NRXN3: variants seen among roughly 807,000 people sequenced by gnomAD.
NRXN3 encodes neurexin III.
Under a neutral mutation model 137.6 loss-of-function variants are expected in NRXN3, and 32 were observed. That is an observed-to-expected ratio of 0.23 (90% CI 0.18 to 0.31). The LOEUF (loss-of-function observed/expected upper bound fraction) is 0.31, where lower values mean the gene tolerates loss of function less well. Among genes scored for constraint, NRXN3 ranks in the 10% least tolerant of loss-of-function variants. NRXN3 has a pLI of 1.00. For missense variants in NRXN3, 1,574 were observed against 2,062.5 expected (o/e 0.76, Z 4.59); for synonymous variants, 798 against 784.5 (o/e 1.02, Z -0.29).
intron 10 of NRXN3, among the ~76,000 whole-genome samples, chr14:78,888,851 A>G (rs1407978052): frequency 2.4e-5 from 2 of 83,886 alleles, no homozygotes; most frequent in East Asian, 9.7e-4. Flanking sequence ...ACACACATAC[A>G]CACACACACA....
At chr14:79,683,647 G>A (rs937599978) in intron 17 of NRXN3, among the ~76,000 whole-genome samples, 1 of 152,126 alleles carries the variant, frequency 6.6e-6, no homozygotes, top group African/African-American at 2.4e-5. Flanking sequence ...CTGGCTTAAG[G>A]TGTCTGATGA....
chr14:78,911,348 G>T (rs572347212), intron 10 of NRXN3, among the ~76,000 whole-genome samples: 47 of 152,216 alleles, frequency 3.1e-4, no homozygotes, highest in Admixed American at 2.2e-3. Context: ...TCTGAACTTT[G>T]TATGACTTGA....
intron 19 of NRXN3, among the ~76,000 whole-genome samples, chr14:79,793,766 A>G (rs968985317): frequency 5.2e-5 from 8 of 152,396 alleles, no homozygotes; most frequent in African/African-American, 1.9e-4. Context: ...AATGTAAATT[A>G]GCATGAATAT....
intron 15 of NRXN3, among the ~76,000 whole-genome samples, chr14:79,466,869 C>A (rs1361981963): frequency 6.6e-6 from 1 of 152,020 alleles, no homozygotes; most frequent in African/African-American, 2.4e-5. Context: ...GGCCAAGATG[C>A]AAAATTAAGC....
At chr14:79,381,529 C>A (rs146274967) in intron 15 of NRXN3, among the ~76,000 whole-genome samples, 1 of 152,028 alleles carries the variant, frequency 6.6e-6, no homozygotes. Flanking sequence ...CCTCTGAGGA[C>A]GATGAACCCC....
At chr14:78,424,801 T>C (rs1462046884) in intron 4 of NRXN3, among the ~76,000 whole-genome samples, 2 of 152,196 alleles carry the variant, frequency 1.3e-5, no homozygotes, top group Non-Finnish European at 2.9e-5. Flanking sequence ...GAGGGGGTCA[T>C]TCCCATATCA....
intron 15 of NRXN3, among the ~76,000 whole-genome samples, chr14:79,398,905 T>G (rs2370980): frequency 0.76 from 114,901 of 151,012 alleles, 43,883 homozygotes; most frequent in Middle Eastern, 0.87. Flanking sequence ...AGCTACTCGG[T>G]ACACTGAGGC....
intron 4 of NRXN3, among the ~76,000 whole-genome samples, chr14:78,571,580 T>C (rs1209982946): frequency 6.6e-6 from 1 of 152,204 alleles, no homozygotes; most frequent in Non-Finnish European, 1.5e-5. Flanking sequence ...TTAACAAATA[T>C]TGAGCCCTTA....
At chr14:78,686,207 T>C (rs1337744272) in intron 6 of NRXN3, among the ~76,000 whole-genome samples, 1 of 152,248 alleles carries the variant, frequency 6.6e-6, no homozygotes, top group Non-Finnish European at 1.5e-5. Flanking sequence ...ATGAATAACT[T>C]ACTTTTCTCT....
At chr14:78,937,186 A>C (rs1157397329) in intron 10 of NRXN3, among the ~76,000 whole-genome samples, 4 of 80,104 alleles carry the variant, frequency 5.0e-5, no homozygotes, top group East Asian at 6.9e-4. Context: ...CGTGCCATTG[A>C]AAAAAAAAAA....
chr14:79,613,884 C>T (rs939332908), intron 16 of NRXN3, among the ~76,000 whole-genome samples: 1 of 152,232 alleles, frequency 6.6e-6, no homozygotes, highest in Non-Finnish European at 1.5e-5. Flanking sequence ...CTGGTGATGC[C>T]TCTACCACAC....
chr14:79,390,316 CAAAAA>C (rs34101631), intron 15 of NRXN3, among the ~76,000 whole-genome samples: 1 of 109,642 alleles, frequency 9.1e-6, no homozygotes, highest in African/African-American at 3.5e-5. Context: ...GACTCTGTCT[CAAAAA>C]AAAAAAAAAA....
At chr14:79,682,625 G>A (rs942464477) in intron 17 of NRXN3, among the ~76,000 whole-genome samples, 5 of 152,028 alleles carry the variant, frequency 3.3e-5, no homozygotes, top group African/African-American at 7.2e-5. Context: ...CTTCAAGATC[G>A]ATACTCTCTG....
chr14:79,774,346 T>A (rs1316865393), intron 19 of NRXN3, among the ~76,000 whole-genome samples: 1 of 152,140 alleles, frequency 6.6e-6, no homozygotes, highest in Non-Finnish European at 1.5e-5. Flanking sequence ...AGCAAGTCAA[T>A]GGTAATATCA....
At chr14:79,183,341 C>T (rs974510452) in intron 15 of NRXN3, among the ~76,000 whole-genome samples, 5 of 152,156 alleles carry the variant, frequency 3.3e-5, no homozygotes, top group African/African-American at 7.2e-5. Flanking sequence ...CTTTCTGTTT[C>T]GTCCTTGCCT....
intron 4 of NRXN3, among the ~76,000 whole-genome samples, chr14:78,310,969 TATC>T (rs1284880131): frequency 2.6e-5 from 4 of 152,254 alleles, no homozygotes; most frequent in South Asian, 4.1e-4. Context: ...AAACATCAGT[TATC>T]ATAAATACAT....
At position 79,861,353 on chromosome 14, in the gene NRXN3, T is replaced by G; in HGVS notation, c.4105T>G (p.Ser1369Ala). 1 of 1,536,160 alleles carries G rather than the reference T, an allele frequency of 6.5e-7. No individual in the cohort carries two copies. The highest frequency in any genetic ancestry group is 8.7e-7 in the Non-Finnish European group (1 of 1,146,916). Residue 1369 changes from serine (S) to alanine (A), a missense_variant, in exon 21 of 21, where the codon TCC (serine) becomes GCC (alanine). Around this residue, in one of 5 missense-constraint regions of NRXN3, gnomAD observed 320 missense variants for 387.1 expected, o/e 0.83. Coordinates refer to ENST00000335750, the MANE Select transcript of NRXN3 (RefSeq NM_001330195.2). The surrounding 1 kb of genome is among the most constrained non-coding windows in gnomAD (Gnocchi z 5.4). Reference protein sequence around the residue: ...ECEPSTDKSLSTSIFEGGYKA... With the variant: ...ECEPSTDKSLATSIFEGGYKA... ...CTCCTTGGTAACAGATAAGAGTCTT[T>G]CCACTTCAATCTTCGAAGGTGGCTA... is the stretch of plus-strand genomic sequence containing the variant.
intron 10 of NRXN3, among the ~76,000 whole-genome samples, chr14:78,860,288 C>A (rs926851287): frequency 6.6e-6 from 1 of 152,090 alleles, no homozygotes; most frequent in Non-Finnish European, 1.5e-5. Context: ...GAGAGTGAGG[C>A]TTGATGGGAT....
chr14:79,428,232 CA>C (rs747820918), intron 15 of NRXN3, among the ~76,000 whole-genome samples: 28 of 152,230 alleles, frequency 1.8e-4, no homozygotes, highest in South Asian at 6.2e-4. Context: ...CAAGGTTTTT[CA>C]GGAGCCTGAC....
Sources: gnomAD v4.1 joint callset for allele counts (sites outside exome capture counted in the v4.1 genomes callset) on GRCh38, gnomAD v4.1.1 for gene constraint, gnomAD v4.1.1 regional missense constraint, Gnocchi (gnomAD v3.1) non-coding constraint, MANE v1.5 for transcripts, NCBI Gene and HGNC (gene_info 2026-07-23, HGNC 2026-07-21) for gene names.